The following KCNAB1 variants were observed in gnomAD, a reference collection of about 807,000 sequenced individuals.
KCNAB1 encodes the protein voltage-gated potassium channel subunit beta-1.
A neutral mutation model predicts 64.6 loss-of-function variants in KCNAB1; 35 were observed. That is an observed-to-expected ratio of 0.54 (90% confidence interval 0.41 to 0.72). KCNAB1 has a LOEUF of 0.72. Ranked by LOEUF, KCNAB1 falls within the 30% of genes least tolerant of loss-of-function variation. The pLI is 0.00. For missense variants in KCNAB1, 401 were observed against 512.9 expected, an observed-to-expected ratio of 0.78 and a Z score of 2.11; for synonymous variants, 177 against 183.8, an observed-to-expected ratio of 0.96 and a Z score of 0.30.
chr3:156,536,704 T>C lies in KCNAB1; in HGVS notation c.1217T>C (p.Ile406Thr), dbSNP rs1719081822. The C allele has an allele frequency of 6.2e-7, 1 of 1,613,502 alleles. No individual in the cohort carries two copies. Among genetic ancestry groups the C allele is most frequent in the African/African-American group, 1.3e-5 (1 of 74,934 alleles). ...TSHVVNEIDN[I>T]LRNKPYSKKD... The stretch of plus-strand genomic sequence containing the variant: ...CATGTGGTAAATGAGATTGATAACA[T>C]ACTGCGCAACAAGCCCTACAGCAAG... Residue 406 changes from isoleucine to threonine, a missense_variant, in exon 14 of 14, where the codon ATA (isoleucine) becomes ACA (threonine). Ile to Thr is a moderately conservative substitution (Grantham distance 89, BLOSUM62 -1). Transcript: ENST00000490337.
chr3:156,305,678 T>C (rs535405729), intron 1 of KCNAB1, among the ~76,000 whole-genome samples: 1 of 152,226 alleles, frequency 6.6e-6, no homozygotes, highest in African/African-American at 2.4e-5. Flanking sequence ...CCCAGCCTTG[T>C]TCCAGAAAAG....
chr3:156,337,564 G>A (rs982726334), intron 1 of KCNAB1, among the ~76,000 whole-genome samples: 1 of 152,182 alleles, frequency 6.6e-6, no homozygotes, highest in Non-Finnish European at 1.5e-5. Flanking sequence ...TAGAGCCAGA[G>A]TACATCCATT....
At chr3:156,482,532 T>A (rs765023539) in intron 8 of KCNAB1, among the ~76,000 whole-genome samples, 3 of 151,114 alleles carry the variant, frequency 2.0e-5, no homozygotes, top group Non-Finnish European at 3.0e-5. Flanking sequence ...GATGACCTAA[T>A]AGGAGGAAAT....
At chr3:156,254,739 C>A (rs1412874557) in intron 1 of KCNAB1, among the ~76,000 whole-genome samples, 1 of 152,190 alleles carries the variant, frequency 6.6e-6, no homozygotes, top group Non-Finnish European at 1.5e-5. Flanking sequence ...AGGCTAGGGA[C>A]TTTGACTTCC....
intron 2 of KCNAB1, among the ~76,000 whole-genome samples, chr3:156,450,268 C>G (rs1293140159): frequency 6.6e-6 from 1 of 152,178 alleles, no homozygotes; most frequent in African/African-American, 2.4e-5. Flanking sequence ...TGACTTTGAC[C>G]AATGCATTCT....
chr3:156,520,502 T>C (rs1395717200), intron 11 of KCNAB1, among the ~76,000 whole-genome samples: 1 of 152,160 alleles, frequency 6.6e-6, no homozygotes, highest in Non-Finnish European at 1.5e-5. Context: ...CACCTGAGCC[T>C]GGGAGGTCAA....
chr3:156,422,763 G>A (rs1159451487), intron 2 of KCNAB1, among the ~76,000 whole-genome samples: 2 of 152,180 alleles, frequency 1.3e-5, no homozygotes, highest in African/African-American at 4.8e-5. Context: ...CACTAAGGGT[G>A]TGCTTATAGA....
intron 11 of KCNAB1, among the ~76,000 whole-genome samples, chr3:156,517,036 G>T (rs894214224): frequency 6.6e-6 from 1 of 152,172 alleles, no homozygotes; most frequent in Non-Finnish European, 1.5e-5. Flanking sequence ...ATAACAACAT[G>T]CCTGTTTTTA....
At chr3:156,427,837 T>C (rs893624214) in intron 2 of KCNAB1, among the ~76,000 whole-genome samples, 1 of 152,204 alleles carries the variant, frequency 6.6e-6, no homozygotes, top group African/African-American at 2.4e-5. Context: ...GGGCTCTTGC[T>C]TCTACAGTTA....
At chr3:156,471,518 T>G (rs1218792415) in intron 7 of KCNAB1, among the ~76,000 whole-genome samples, 1 of 152,212 alleles carries the variant, frequency 6.6e-6, no homozygotes, top group African/African-American at 2.4e-5. Context: ...GCTGGGTTAG[T>G]GCGGAGGCAC....
chr3:156,481,331 C>A (rs865962483), intron 8 of KCNAB1, among the ~76,000 whole-genome samples: 3 of 151,560 alleles, frequency 2.0e-5, no homozygotes, highest in Non-Finnish European at 4.4e-5. Flanking sequence ...GGTTTGAAAG[C>A]CCGGGACAGT....
chr3:156,339,413 T>C (rs1389778907), intron 1 of KCNAB1, among the ~76,000 whole-genome samples: 2 of 152,146 alleles, frequency 1.3e-5, no homozygotes, highest in Non-Finnish European at 2.9e-5. Flanking sequence ...TTATTTCTGA[T>C]CTTTACAACA....
chr3:156,120,113 T>C (rs1004220723), upstream of KCNAB1, among the ~76,000 whole-genome samples: 25 of 152,228 alleles, frequency 1.6e-4, 2 homozygotes, highest in Admixed American at 1.4e-3. Flanking sequence ...AGAAATAATC[T>C]TTCCCTTGCA....
intron 1 of KCNAB1, among the ~76,000 whole-genome samples, chr3:156,256,117 C>T (rs1454922267): frequency 6.6e-6 from 1 of 152,154 alleles, no homozygotes; most frequent in Admixed American, 6.5e-5. Flanking sequence ...TGAATAATTT[C>T]AGAGAAATTG....
Position 156,473,004 on chromosome 3 carries a change from G to A in KCNAB1, c.572-1730G>A, listed in dbSNP as rs571040685. 3.3e-5 allele frequency among the ~76,000 whole-genome samples: 5 copies of A among 152,290 alleles called. No individual in the cohort carries two copies. The East Asian group carries it at 5.8e-4, about 18-fold the overall frequency. Reference sequence around the variant, plus strand: ...CACACTGAGCTGTTTAGAAGAGAACGGAGAGAGAGGGCCATTGTCAGAAAA... The same window carrying A: ...CACACTGAGCTGTTTAGAAGAGAACAGAGAGAGAGGGCCATTGTCAGAAAA... On this transcript the variant is annotated intron_variant, in intron 7 of 13. Transcript: ENST00000490337.
chr3:156,224,467 T>C (rs1321658975), intron 1 of KCNAB1, among the ~76,000 whole-genome samples: 2 of 152,254 alleles, frequency 1.3e-5, no homozygotes, highest in African/African-American at 2.4e-5. Flanking sequence ...CTGCGAGGGC[T>C]GCCAGCATGC....
intron 2 of KCNAB1, among the ~76,000 whole-genome samples, chr3:156,423,974 C>A (rs1020487930): frequency 6.6e-6 from 1 of 152,132 alleles, no homozygotes; most frequent in African/African-American, 2.4e-5. Flanking sequence ...AAAAGGGAAA[C>A]ATTTGAAATT....
chr3:156,404,550 CCTTTTCACATG>C (rs1714116543), intron 1 of KCNAB1, among the ~76,000 whole-genome samples: 1 of 152,188 alleles, frequency 6.6e-6, no homozygotes, highest in Non-Finnish European at 1.5e-5. Flanking sequence ...GCTCTGCAAA[CCTTTTCACATG>C]CTTTATCTCA....
At chr3:156,142,068 C>G (rs1182606236) in intron 1 of KCNAB1, among the ~76,000 whole-genome samples, 1 of 152,072 alleles carries the variant, frequency 6.6e-6, no homozygotes, top group Non-Finnish European at 1.5e-5. Flanking sequence ...AATGTTTGTT[C>G]ATATCTTTTG....
Sources: allele counts gnomAD v4.1 joint callset (sites outside exome capture counted in the v4.1 genomes callset), GRCh38; gene constraint gnomAD v4.1.1; transcripts MANE v1.5; gene names NCBI Gene and HGNC (gene_info 2026-07-23, HGNC 2026-07-21).